RAP1GAP2: variants seen among roughly 807,000 people sequenced by gnomAD.
The protein encoded by RAP1GAP2 is RAP1 GTPase activating protein 2.
A neutral mutation model predicts 95.0 loss-of-function variants in RAP1GAP2; 27 were observed. That is an observed-to-expected ratio of 0.28 (90% CI 0.21 to 0.39). The LOEUF (loss-of-function observed/expected upper bound fraction) is 0.39, where lower values mean the gene tolerates loss of function less well. Ranked by LOEUF, RAP1GAP2 falls within the 10% of genes least tolerant of loss-of-function variation. The probability of loss-of-function intolerance (pLI) is 1.00; values close to 1 mark genes in which losing one functional copy is unlikely to be tolerated. For missense variants in RAP1GAP2, 771 were observed against 970.0 expected, an observed-to-expected ratio of 0.79 and a Z score of 2.72; for synonymous variants, 373 against 380.9, an observed-to-expected ratio of 0.98 and a Z score of 0.24.
intron 2 of RAP1GAP2, among the ~76,000 whole-genome samples, chr17:2,863,881 G>A (rs938069877): frequency 2.0e-4 from 31 of 152,010 alleles, no homozygotes; most frequent in Non-Finnish European, 3.7e-4. Flanking sequence ...GTGAAACTCC[G>A]TCTCTACTAA....
intron 2 of RAP1GAP2, among the ~76,000 whole-genome samples, chr17:2,826,328 G>C (rs2070563120): frequency 1.3e-5 from 2 of 151,790 alleles, no homozygotes; most frequent in Non-Finnish European, 2.9e-5. Flanking sequence ...GAAACAGTAA[G>C]GGCAAAGGCT....
chr17:2,797,662 G>A lies in RAP1GAP2; in HGVS notation c.44+1091G>A. 1 of 982,124 alleles carries A rather than the reference G, an allele frequency of 1.0e-6. No homozygotes were observed. Among genetic ancestry groups the A allele is most frequent in the Non-Finnish European group, 1.2e-6 (1 of 827,046 alleles). 60.8% of individuals were successfully genotyped at this position (982,124 alleles called of 1,614,324 possible). ...TTGCCATCCATCCTCTGGCAGGGGG[G>A]GACTGTGGGCACTCCATGTTTGGCA... On this transcript the variant is annotated intron_variant, in intron 1 of 24. Coordinates refer to ENST00000254695, the MANE Select transcript of RAP1GAP2 (RefSeq NM_015085.5). The surrounding 1 kb of genome is among the most constrained non-coding windows in gnomAD (Gnocchi z 5.6).
At chr17:2,761,619 G>T (rs907214351) in intron 1 of RAP1GAP2, among the ~76,000 whole-genome samples, 14 of 152,042 alleles carry the variant, frequency 9.2e-5, no homozygotes, top group African/African-American at 2.2e-4. Flanking sequence ...TATCGTCAAG[G>T]GTATATACAG....
At chr17:2,796,143 C>A (rs1235674853), upstream of RAP1GAP2, among the ~76,000 whole-genome samples, 1 of 152,156 alleles carries the variant, frequency 6.6e-6, no homozygotes, top group African/African-American at 2.4e-5. This position sits in a 1 kb window ranked among gnomAD's most constrained non-coding sequence, Gnocchi z 4.7. Flanking sequence ...TCTTTCTGTC[C>A]CTCCTAGGCG....
chr17:2,855,248 G>T lies in RAP1GAP2; in HGVS notation c.81-50036G>T, dbSNP rs2072084240. On this transcript the variant is annotated intron_variant, in intron 2 of 24. Transcript: ENST00000254695. The surrounding 1 kb of genome is among the most constrained non-coding windows in gnomAD (Gnocchi z 4.3). ...GAATTTCCCGTGAAAATGACATAAGGTGGTTCAGCATGAAATAACATTGAG... is the reference window on the plus strand; with the variant it reads ...GAATTTCCCGTGAAAATGACATAAGTTGGTTCAGCATGAAATAACATTGAG... Among the ~76,000 whole-genome samples, 3 of 152,264 alleles carry T rather than the reference G, an allele frequency of 2.0e-5. No individual in the cohort carries two copies. Among genetic ancestry groups the T allele is most frequent in the South Asian group, 2.1e-4 (1 of 4,826 alleles).
At chr17:2,970,011 C>T (rs937140973) in intron 8 of RAP1GAP2, among the ~76,000 whole-genome samples, 5 of 151,794 alleles carry the variant, frequency 3.3e-5, no homozygotes, top group Admixed American at 2.0e-4. Flanking sequence ...TCGTGGTTCA[C>T]GCCTGTAATC....
intron 3 of RAP1GAP2, among the ~76,000 whole-genome samples, chr17:2,942,977 C>T (rs146371584): frequency 0.011 from 1,742 of 152,180 alleles, 18 homozygotes; most frequent in Non-Finnish European, 0.018. Context: ...CCATGTTGGT[C>T]AGGCTGGTCT....
At chr17:3,019,265 G>T (rs562348515) in intron 18 of RAP1GAP2, among the ~76,000 whole-genome samples, 1 of 152,090 alleles carries the variant, frequency 6.6e-6, no homozygotes. Context: ...AAAGTGGGCC[G>T]GGCATGGTGG....
intron 3 of RAP1GAP2, among the ~76,000 whole-genome samples, chr17:2,939,684 A>G (rs1340507380): frequency 1.3e-5 from 2 of 152,160 alleles, no homozygotes; most frequent in African/African-American, 4.8e-5. Context: ...GAACTCACTC[A>G]GGGCAGGGAT....
At chr17:2,780,782 T>C (rs2068627869) in intron 1 of RAP1GAP2, among the ~76,000 whole-genome samples, 1 of 152,198 alleles carries the variant, frequency 6.6e-6, no homozygotes, top group South Asian at 2.1e-4. Flanking sequence ...TAATGAAAAA[T>C]AAAGCAATGA....
chr17:2,772,180 G>A (rs56892207), upstream of RAP1GAP2, among the ~76,000 whole-genome samples: 19,648 of 151,908 alleles, frequency 0.13, 1,579 homozygotes, highest in South Asian at 0.36. Flanking sequence ...TAGTAGAGAC[G>A]GGGTTTCACC....
At position 2,998,207 on chromosome 17, in the gene RAP1GAP2, C is replaced by G. The variant is rs372147997; in HGVS notation, c.1045-14C>G. Reference sequence around the variant, plus strand: ...TCCTAACTGGCTTATAACCTCTCAACACTTTTTATTTAGCTCCAGAGAAAG... The same window carrying G: ...TCCTAACTGGCTTATAACCTCTCAAGACTTTTTATTTAGCTCCAGAGAAAG... On this transcript the variant is annotated splice_polypyrimidine_tract_variant and intron_variant, in intron 13 of 24. Transcript: ENST00000254695. 317 of 1,612,326 alleles carry G rather than the reference C, an allele frequency of 2.0e-4. 2 individuals carry two copies. The highest frequency in any genetic ancestry group is 2.5e-4 in the Non-Finnish European group (296 of 1,178,592).
chr17:2,791,383 C>T (rs928677603), intron 1 of RAP1GAP2, among the ~76,000 whole-genome samples: 9 of 152,058 alleles, frequency 5.9e-5, no homozygotes, highest in Non-Finnish European at 8.8e-5. Context: ...AGAAGGAGCC[C>T]GTCCAGCCAG....
intron 2 of RAP1GAP2, among the ~76,000 whole-genome samples, chr17:2,849,578 G>A (rs936326662): frequency 1.2e-4 from 19 of 152,168 alleles, no homozygotes; most frequent in African/African-American, 3.1e-4. Flanking sequence ...GATTAACTTC[G>A]CTGTCTCCCG....
At chr17:2,819,176 AC>A (rs780545450) in intron 2 of RAP1GAP2, among the ~76,000 whole-genome samples, 42 of 151,262 alleles carry the variant, frequency 2.8e-4, no homozygotes, top group Non-Finnish European at 4.7e-4. Context: ...CCGCTACCAC[AC>A]CCGGCTAATT....
chr17:2,776,249 G>A (rs2068496140), upstream of RAP1GAP2, among the ~76,000 whole-genome samples: 1 of 152,196 alleles, frequency 6.6e-6, no homozygotes, highest in Admixed American at 6.5e-5. Context: ...GAGACTCGCA[G>A]CATAGCGTTC....
intron 12 of RAP1GAP2, among the ~76,000 whole-genome samples, chr17:2,994,818 GTTGA>G (rs1449308955): frequency 1.3e-5 from 2 of 152,188 alleles, no homozygotes; most frequent in Admixed American, 6.5e-5. Context: ...TGATTGATTG[GTTGA>G]TTGATTGATT....
intron 17 of RAP1GAP2, among the ~76,000 whole-genome samples, chr17:3,010,217 G>A (rs1015144965): frequency 6.6e-6 from 1 of 151,420 alleles, no homozygotes; most frequent in African/African-American, 2.4e-5. Flanking sequence ...ACGTGAGCCT[G>A]TAATCCCAGC....
chr17:2,949,421 G>T (rs1234964355), intron 3 of RAP1GAP2, among the ~76,000 whole-genome samples: 1 of 152,202 alleles, frequency 6.6e-6, no homozygotes, highest in Non-Finnish European at 1.5e-5. Flanking sequence ...AGCACCTGCT[G>T]TGTGCCCTGA....
Sources: gnomAD v4.1 joint callset for allele counts (sites outside exome capture counted in the v4.1 genomes callset) on GRCh38, gnomAD v4.1.1 for gene constraint, Gnocchi (gnomAD v3.1) non-coding constraint, MANE v1.5 for transcripts, NCBI Gene and HGNC (gene_info 2026-07-23, HGNC 2026-07-21) for gene names.